The following ADAM32 variants were observed in gnomAD, a reference collection of about 807,000 sequenced individuals.
The protein encoded by ADAM32 is disintegrin and metalloproteinase domain-containing protein 32.
A neutral mutation model predicts 114.9 loss-of-function variants in ADAM32; 89 were observed. The observed-to-expected ratio is 0.77, with a 90% CI of 0.65 to 0.92. The LOEUF (loss-of-function observed/expected upper bound fraction) is 0.92. Ranked by LOEUF, ADAM32 falls within the 40% of genes least tolerant of loss-of-function variation. The pLI is 0.00. For synonymous variants in ADAM32, 285 were observed against 307.5 expected (o/e 0.93, Z 0.77); for missense variants, 870 against 932.8 (o/e 0.93, Z 0.88).
chr8:39,233,768 A>G, intron 15 of ADAM32, 131 bp from the exon 16 acceptor site: 2 of 567,386 alleles, frequency 3.5e-6, no homozygotes, highest in Non-Finnish European at 5.5e-6. Flanking sequence ...TACCGTGAAA[A>G]CATTAACGTT....
At chr8:39,123,427 G>A (rs118005427) in intron 2 of ADAM32, among the ~76,000 whole-genome samples, 2,056 of 152,138 alleles carry the variant, frequency 0.014, 22 homozygotes, top group Non-Finnish European at 0.021. Context: ...TCCACACTGG[G>A]GGTTTGGTTT....
At chr8:39,188,876 ACT>A (rs1806416385) in intron 11 of ADAM32, among the ~76,000 whole-genome samples, 1 of 152,080 alleles carries the variant, frequency 6.6e-6, no homozygotes, top group South Asian at 2.1e-4. Context: ...CACACGTGTA[ACT>A]CTTTTGCATA....
chr8:39,150,711 T>C (rs1803770711), intron 5 of ADAM32, among the ~76,000 whole-genome samples: 1 of 152,130 alleles, frequency 6.6e-6, no homozygotes, highest in South Asian at 2.1e-4. Flanking sequence ...GGATCTGAAA[T>C]TTATATTTTA....
intron 11 of ADAM32, among the ~76,000 whole-genome samples, chr8:39,206,790 G>C (rs1248396187): frequency 6.6e-6 from 1 of 152,082 alleles, no homozygotes; most frequent in Non-Finnish European, 1.5e-5. Context: ...TATGTCAATG[G>C]GATGATAGGG....
chr8:39,226,647 A>G (rs895741983), intron 14 of ADAM32, among the ~76,000 whole-genome samples: 1 of 152,168 alleles, frequency 6.6e-6, no homozygotes, highest in African/African-American at 2.4e-5. Flanking sequence ...AAAAAAAGTC[A>G]ATCAAGAATA....
At chr8:39,264,317 T>A (rs545506737) in intron 19 of ADAM32, among the ~76,000 whole-genome samples, 7 of 152,188 alleles carry the variant, frequency 4.6e-5, no homozygotes, top group Non-Finnish European at 1.0e-4. Context: ...TTCATCTATT[T>A]CTTCTAGGTT....
intron 22 of ADAM32, among the ~76,000 whole-genome samples, chr8:39,278,076 C>A (rs566712070): frequency 6.6e-6 from 1 of 152,054 alleles, no homozygotes; most frequent in African/African-American, 2.4e-5. Flanking sequence ...TGGCTTTCAG[C>A]GGGAAGGGGA....
Position 39,234,024 on chromosome 8 carries a change from C to T in ADAM32, c.1760C>T (p.Pro587Leu), listed in dbSNP as rs1809933891. ...SVCITVDYKL[P>L]RTVPDPLAVK... ...TGCATAACTGTAGACTACAAATTGC[C>T]TCGAACAGTTCCAGATCCACTGGCT... is the stretch of plus-strand genomic sequence containing the variant. Residue 587 changes from proline (P) to leucine (L), a missense_variant, in exon 16 of 25, where the codon CCT becomes CTT. Physicochemically the swap from Pro to Leu is moderately conservative, Grantham distance 98. Coordinates refer to ENST00000379907, the MANE Select transcript of ADAM32 (RefSeq NM_145004.7). The T allele has an allele frequency of 1.3e-6, 2 of 1,537,636 alleles. No homozygotes were observed.
chr8:39,229,714 A>T (rs1216628474), intron 14 of ADAM32, among the ~76,000 whole-genome samples: 1 of 152,194 alleles, frequency 6.6e-6, no homozygotes, highest in Non-Finnish European at 1.5e-5. Flanking sequence ...TTACTAATAG[A>T]TCTAAGAAAT....
At chr8:39,176,097 G>A (rs1805510213) in intron 10 of ADAM32, among the ~76,000 whole-genome samples, 1 of 152,082 alleles carries the variant, frequency 6.6e-6, no homozygotes, top group Non-Finnish European at 1.5e-5. Flanking sequence ...AGTCTAGCTA[G>A]TGGTTTATCT....
intron 23 of ADAM32, among the ~76,000 whole-genome samples, chr8:39,282,091 A>AT (rs1813455495): frequency 6.6e-6 from 1 of 152,066 alleles, no homozygotes; most frequent in Admixed American, 6.5e-5. Context: ...AAAAAAGCTG[A>AT]TTTTCTTTGT....
At chr8:39,109,325 T>A (rs758511647) in intron 1 of ADAM32, among the ~76,000 whole-genome samples, 27 of 152,116 alleles carry the variant, frequency 1.8e-4, no homozygotes, top group South Asian at 6.2e-4. Context: ...GTGGATCACC[T>A]GAGTGAGGTC....
chr8:39,161,548 A>G (rs570553126), intron 7 of ADAM32, among the ~76,000 whole-genome samples: 2 of 152,354 alleles, frequency 1.3e-5, no homozygotes, highest in African/African-American at 4.8e-5. Flanking sequence ...GCAGTCAACT[A>G]GGTATGTCTT....
chr8:39,150,776 C>G (rs1277622228), intron 5 of ADAM32, among the ~76,000 whole-genome samples: 1 of 152,166 alleles, frequency 6.6e-6, no homozygotes, highest in African/African-American at 2.4e-5. Flanking sequence ...TGATACAAGT[C>G]ATTTACTCTT....
chr8:39,215,771 T>G (rs1483962037), intron 12 of ADAM32, among the ~76,000 whole-genome samples: 1 of 152,080 alleles, frequency 6.6e-6, no homozygotes, highest in African/African-American at 2.4e-5. Context: ...TATTTAATTT[T>G]TTTGAATGCT....
chr8:39,235,165 T>C (rs926439103), intron 16 of ADAM32, among the ~76,000 whole-genome samples: 8 of 152,088 alleles, frequency 5.3e-5, no homozygotes, highest in Non-Finnish European at 1.0e-4. Context: ...AAAATCTTAT[T>C]TAATTCCTGA....
intron 22 of ADAM32, among the ~76,000 whole-genome samples, chr8:39,278,620 C>T (rs1226579923): frequency 1.3e-5 from 2 of 151,878 alleles, no homozygotes; most frequent in Admixed American, 6.6e-5. Context: ...TTTTTACCTA[C>T]AGAACCCTAC....
intron 19 of ADAM32, among the ~76,000 whole-genome samples, chr8:39,263,851 T>A (rs936622281): frequency 1.6e-4 from 25 of 152,196 alleles, no homozygotes; most frequent in Admixed American, 6.5e-4. Flanking sequence ...AATCCATCCA[T>A]GTTATTATGT....
intron 10 of ADAM32, among the ~76,000 whole-genome samples, chr8:39,176,450 AG>A (rs1388923424): frequency 1.3e-5 from 2 of 152,162 alleles, no homozygotes; most frequent in Non-Finnish European, 2.9e-5. Flanking sequence ...TTTACCCAGG[AG>A]TCCTTTGGGA....
Sources: gnomAD v4.1 joint callset for allele counts (sites outside exome capture counted in the v4.1 genomes callset) on GRCh38, gnomAD v4.1.1 for gene constraint, MANE v1.5 for transcripts, NCBI Gene and HGNC (gene_info 2026-07-23, HGNC 2026-07-21) for gene names.